Variants in PIGL observed in about 807,000 individuals in gnomAD.
PIGL encodes the protein N-acetylglucosaminyl-phosphatidylinositol de-N-acetylase.
PIGL carries 22 observed loss-of-function variants against 31.1 expected under a neutral mutation model. The ratio of observed to expected loss-of-function variants is 0.71; its 90% CI spans 0.51 to 1.01. PIGL has a LOEUF of 1.01. PIGL is among the 50% of genes least tolerant of loss of function. The pLI, the probability that PIGL is intolerant of heterozygous loss-of-function variation, is 0.00. For synonymous variants in PIGL, 131 were observed against 117.4 expected (o/e 1.12, Z -0.75); for missense variants, 302 against 315.9 (o/e 0.96, Z 0.33).
intron 3 of PIGL, among the ~76,000 whole-genome samples, chr17:16,306,825 G>T (rs907020395): frequency 6.6e-6 from 1 of 152,072 alleles, no homozygotes; most frequent in Non-Finnish European, 1.5e-5. Context: ...CACCGCACCC[G>T]GCTGGCTTTT....
chr17:16,320,202 A>AAAGGAAGGAAGGAAGG (rs199746775), intron 6 of PIGL, among the ~76,000 whole-genome samples: 33 of 63,330 alleles, frequency 5.2e-4, no homozygotes, highest in African/African-American at 2.0e-3. Flanking sequence ...GAGAGAAAGA[A>AAAGGAAGGAAGGAAGG]AAGGAAGGAA....
At chr17:16,228,294 G>A (rs1457893679) in intron 1 of PIGL, among the ~76,000 whole-genome samples, 2 of 151,888 alleles carry the variant, frequency 1.3e-5, no homozygotes, top group Non-Finnish European at 2.9e-5. Context: ...CTGACCTGAG[G>A]TGATCCACCT....
intron 1 of PIGL, among the ~76,000 whole-genome samples, chr17:16,220,814 G>A (rs1193536691): frequency 6.6e-6 from 1 of 151,970 alleles, no homozygotes; most frequent in Non-Finnish European, 1.5e-5. Context: ...TGTATTTTCA[G>A]TAGAGACAGG....
chr17:16,326,298 C>G lies in PIGL; in HGVS notation c.*400C>G, dbSNP rs2093126973. On this transcript the variant is annotated 3_prime_UTR_variant, in exon 7 of 7. Coordinates refer to ENST00000225609, the MANE Select transcript of PIGL (RefSeq NM_004278.4). ...TACATTGTTTCCAAAGCAGGTTCAC[C>G]AAAAACACATACACAAAATGCAACA... 5.7e-6 allele frequency: 1 copy of G among 175,704 alleles called. No individual in the cohort carries two copies. Among genetic ancestry groups the G allele is most frequent in the South Asian group, 1.6e-4 (1 of 6,278 alleles). The allele number at this position is 175,704 out of a possible 1,614,324, so 10.9% of individuals were successfully genotyped here.
At chr17:16,219,067 T>TTC (rs67870915) in intron 1 of PIGL, among the ~76,000 whole-genome samples, 70,574 of 140,046 alleles carry the variant, frequency 0.5, 18,357 homozygotes, top group Middle Eastern at 0.58. Flanking sequence ...TTTTATAAAT[T>TTC]TTTTTTTTTT....
chr17:16,288,541 T>C (rs935420888), intron 2 of PIGL, among the ~76,000 whole-genome samples: 4 of 110,232 alleles, frequency 3.6e-5, no homozygotes, highest in Admixed American at 1.8e-4. Context: ...CTTTTTTTTC[T>C]TTTTCTTTTT....
chr17:16,245,261 G>A (rs1459680893), intron 2 of PIGL, among the ~76,000 whole-genome samples: 1 of 151,940 alleles, frequency 6.6e-6, no homozygotes, highest in Non-Finnish European at 1.5e-5. Context: ...AAGAAGCTGG[G>A]ATTACAGGCG....
intron 2 of PIGL, among the ~76,000 whole-genome samples, chr17:16,294,834 G>A (rs1424572657): frequency 1.3e-5 from 2 of 152,116 alleles, no homozygotes; most frequent in Admixed American, 1.3e-4. Flanking sequence ...TGTTTTCCCT[G>A]ACATCTAGCT....
chr17:16,317,954 CA>C (rs763824426), intron 6 of PIGL, 46 bp downstream of exon 6: 143 of 1,405,976 alleles, frequency 1.0e-4, no homozygotes, highest in Non-Finnish European at 1.3e-4. Flanking sequence ...ATCCCTGCCC[CA>C]GACCCCTGTC....
rs566193243 is a variant in PIGL, at chr17:16,319,771, A to T, written c.660+1863A>T. Reference sequence around the variant, plus strand: ...CTCCGTCTCCAAAAAAAAAAAAAAAAGAGCCCAGGGCAGACTGCAAGAAGC... The same window carrying T: ...CTCCGTCTCCAAAAAAAAAAAAAAATGAGCCCAGGGCAGACTGCAAGAAGC... On this transcript the variant is annotated intron_variant, in intron 6 of 6. Coordinates refer to ENST00000225609, the MANE Select transcript of PIGL (RefSeq NM_004278.4). Among the ~76,000 whole-genome samples the T allele has an allele frequency of 3.8e-4, 57 of 151,420 alleles. 1 individual carries two copies. In the South Asian group the frequency reaches 0.012, roughly 32 times the overall value.
intron 2 of PIGL, among the ~76,000 whole-genome samples, chr17:16,258,147 GA>G (rs2092804547): frequency 6.8e-6 from 1 of 148,084 alleles, no homozygotes; most frequent in Admixed American, 6.8e-5. Context: ...GAAAGAGAGA[GA>G]GAGAGAGAGA....
intron 1 of PIGL, among the ~76,000 whole-genome samples, chr17:16,219,387 A>C (rs1302037952): frequency 6.6e-6 from 1 of 151,372 alleles, no homozygotes; most frequent in Non-Finnish European, 1.5e-5. Flanking sequence ...TAATTTGTTT[A>C]GTATCTTCTC....
intron 2 of PIGL, among the ~76,000 whole-genome samples, chr17:16,284,435 C>T (rs1309014967): frequency 1.3e-5 from 2 of 152,158 alleles, no homozygotes; most frequent in Non-Finnish European, 2.9e-5. Flanking sequence ...TCCTTCTTGC[C>T]TGGGGACTAG....
Position 16,285,630 on chromosome 17 carries a change from G to C in PIGL, c.336-14258G>C, listed in dbSNP as rs77347259. 9.2e-3 allele frequency among the ~76,000 whole-genome samples: 1,407 copies of C among 152,184 alleles called. 29 individuals are homozygous for C. Among genetic ancestry groups the C allele is most frequent in the African/African-American group, 0.032 (1,346 of 41,528 alleles). ...GGGCTTCAAGCCGTATGTGGAAAAG[G>C]CTCTCTTAGGGCATTTGGTCTGTCT... is the stretch of plus-strand genomic sequence containing the variant. On this transcript the variant is annotated intron_variant, in intron 2 of 6. Transcript: ENST00000225609.
At chr17:16,316,601 CT>C in intron 4 of PIGL, 79 bp from the exon 5 acceptor site, 1 of 1,410,534 alleles carries the variant, frequency 7.1e-7, no homozygotes, top group Non-Finnish European at 9.7e-7. Context: ...GCATGGCAGC[CT>C]TTCCTCTGAA....
chr17:16,236,130 C>CA (rs2092698884), intron 2 of PIGL, among the ~76,000 whole-genome samples: 1 of 151,878 alleles, frequency 6.6e-6, no homozygotes, highest in Admixed American at 6.6e-5. Flanking sequence ...TAATTTGAAA[C>CA]AAAAAAACAG....
chr17:16,218,911 T>G (rs1208450293), intron 1 of PIGL, among the ~76,000 whole-genome samples: 1 of 151,942 alleles, frequency 6.6e-6, no homozygotes, highest in African/African-American at 2.4e-5. Context: ...ACTCCTGACC[T>G]CTAGTGATCC....
chr17:16,285,466 T>C (rs2092933459), intron 2 of PIGL, among the ~76,000 whole-genome samples: 1 of 151,976 alleles, frequency 6.6e-6, no homozygotes, highest in Non-Finnish European at 1.5e-5. Flanking sequence ...GTGCCTGTAA[T>C]CCCAGCTACT....
intron 2 of PIGL, among the ~76,000 whole-genome samples, chr17:16,249,738 T>C (rs1331122891): frequency 6.6e-6 from 1 of 152,192 alleles, no homozygotes; most frequent in Non-Finnish European, 1.5e-5. Context: ...GTATCCCAGC[T>C]TCAGGAGAGA....
Sources: allele counts gnomAD v4.1 joint callset (sites outside exome capture counted in the v4.1 genomes callset), GRCh38; gene constraint gnomAD v4.1.1; transcripts MANE v1.5; gene names NCBI Gene and HGNC (gene_info 2026-07-23, HGNC 2026-07-21).